Variants in TTC7A observed in about 807,000 individuals in gnomAD.
The protein encoded by TTC7A is tetratricopeptide repeat protein 7A.
TTC7A carries 110 observed loss-of-function variants against 103.7 expected under a neutral mutation model. The ratio of observed to expected loss-of-function variants is 1.06; its 90% CI spans 0.91 to 1.24. The LOEUF (loss-of-function observed/expected upper bound fraction) is 1.24. TTC7A is among the 50% of genes most tolerant of loss of function. The probability of loss-of-function intolerance (pLI) is 0.00; values close to 1 mark genes in which losing one functional copy is unlikely to be tolerated. For missense variants in TTC7A, 1,340 were observed against 1,116.3 expected (o/e 1.20, Z -2.86); for synonymous variants, 521 against 467.9 (o/e 1.11, Z -1.47).
intron 11 of TTC7A, among the ~76,000 whole-genome samples, chr2:47,013,188 C>A (rs1678263166): frequency 6.6e-6 from 1 of 152,256 alleles, no homozygotes; most frequent in African/African-American, 2.4e-5. Context: ...ACTGAGAGGG[C>A]AAGGGAGGAT....
intron 1 of TTC7A, among the ~76,000 whole-genome samples, chr2:46,946,442 G>C (rs141098272): frequency 1.5e-4 from 23 of 151,920 alleles, no homozygotes; most frequent in African/African-American, 5.1e-4. Context: ...TTATTTTCTA[G>C]AGATGAGGTA....
At chr2:46,973,633 C>G (rs1174625424) in intron 3 of TTC7A, among the ~76,000 whole-genome samples, 1 of 152,206 alleles carries the variant, frequency 6.6e-6, no homozygotes, top group African/African-American at 2.4e-5. Context: ...GAGTGGAGTT[C>G]TGAACCCCCT....
chr2:46,920,973 T>TAAA (rs34487440), intron 2 of TTC7A, among the ~76,000 whole-genome samples: 1 of 139,204 alleles, frequency 7.2e-6, no homozygotes, highest in African/African-American at 2.6e-5. Context: ...CTATTCATGA[T>TAAA]AAAAAAAAAA....
chr2:46,920,488 C>T (rs1669046523), intron 2 of TTC7A, among the ~76,000 whole-genome samples: 1 of 152,008 alleles, frequency 6.6e-6, no homozygotes, highest in Admixed American at 6.5e-5. Flanking sequence ...AACCACCACG[C>T]CCAGCTAATT....
chr2:46,924,988 G>A (rs975284470), intron 2 of TTC7A, among the ~76,000 whole-genome samples: 11 of 152,186 alleles, frequency 7.2e-5, no homozygotes, highest in African/African-American at 2.7e-4. Flanking sequence ...TGGCAAATGG[G>A]GTAGCTTGGA....
intron 11 of TTC7A, 114 bp from the exon 12 acceptor site, chr2:47,021,748 G>C: frequency 1.2e-6 from 1 of 803,154 alleles, no homozygotes; most frequent in South Asian, 1.6e-5. Context: ...GTGAGAGTAA[G>C]GCCCTGTGAC....
chr2:46,989,190 A>G (rs1282571753), intron 5 of TTC7A, among the ~76,000 whole-genome samples: 2 of 152,044 alleles, frequency 1.3e-5, no homozygotes, highest in Non-Finnish European at 2.9e-5. Flanking sequence ...TCACACCCAC[A>G]TCTGTCTTTC....
chr2:46,926,020 C>T (rs1669364882), intron 2 of TTC7A, among the ~76,000 whole-genome samples: 1 of 152,200 alleles, frequency 6.6e-6, no homozygotes, highest in Non-Finnish European at 1.5e-5. Context: ...GTAATATCTG[C>T]TCATTCTCAG....
intron 8 of TTC7A, among the ~76,000 whole-genome samples, chr2:47,000,684 G>A (rs1676718640): frequency 6.6e-6 from 1 of 152,190 alleles, no homozygotes; most frequent in Non-Finnish European, 1.5e-5. Flanking sequence ...GCAGGTGCTG[G>A]GTACAGATAC....
At chr2:46,945,747 C>T (rs575563911) in intron 1 of TTC7A, among the ~76,000 whole-genome samples, 36 of 151,580 alleles carry the variant, frequency 2.4e-4, no homozygotes, top group Non-Finnish European at 3.4e-4. Flanking sequence ...TTTTTTTCTT[C>T]TTCTTAAGAC....
intron 19 of TTC7A, among the ~76,000 whole-genome samples, chr2:47,064,602 GC>G (rs1431218272): frequency 2.0e-5 from 3 of 152,198 alleles, no homozygotes; most frequent in East Asian, 1.9e-4. Context: ...TCTCTGCTCT[GC>G]CACCTCCCTG....
intron 16 of TTC7A, among the ~76,000 whole-genome samples, chr2:47,048,227 A>C (rs1682524331): frequency 6.6e-6 from 1 of 152,182 alleles, no homozygotes; most frequent in African/African-American, 2.4e-5. Context: ...TAACTGCTCA[A>C]CTTGAACGGT....
intron 8 of TTC7A, among the ~76,000 whole-genome samples, chr2:46,996,458 C>T (rs916953138): frequency 2.6e-5 from 4 of 152,260 alleles, no homozygotes; most frequent in African/African-American, 9.6e-5. Context: ...TGCCTGGGAC[C>T]ATGCGATGCC....
intron 10 of TTC7A, among the ~76,000 whole-genome samples, chr2:47,008,874 T>C (rs1019886791): frequency 6.6e-6 from 1 of 151,586 alleles, no homozygotes; most frequent in Non-Finnish European, 1.5e-5. Context: ...GGCAATTGCA[T>C]TGGCTGTGTT....
intron 2 of TTC7A, among the ~76,000 whole-genome samples, chr2:46,934,027 G>A (rs1257798598): frequency 1.3e-5 from 2 of 152,284 alleles, no homozygotes; most frequent in Non-Finnish European, 2.9e-5. Context: ...CACAGCCATT[G>A]TGACAACTAG....
rs998042740 is a variant in TTC7A, at chr2:46,941,238, AGCG to A, written c.-289_-287del. ...GGGCGGAGGCTGTGGCAGCAGCTGCAGCGGCGGCGGCGGCGGCAGCGCCAGGAG... is the reference window on the plus strand; with the variant it reads ...GGGCGGAGGCTGTGGCAGCAGCTGCAGCGGCGGCGGCGGCAGCGCCAGGAG... On this transcript the variant is annotated 5_prime_UTR_variant, in exon 1 of 20. Transcript: ENST00000319190. This position sits in a 1 kb window ranked among gnomAD's most constrained non-coding sequence, Gnocchi z 4.2. 1.8e-4 allele frequency: 27 copies of A among 147,576 alleles called. No homozygotes were observed. The highest frequency in any genetic ancestry group is 4.0e-4 in the East Asian group (2 of 4,980). 9.1% of individuals were successfully genotyped at this position (147,576 alleles called of 1,614,324 possible).
At chr2:47,003,724 G>A (rs1031304096) in intron 8 of TTC7A, among the ~76,000 whole-genome samples, 4 of 152,152 alleles carry the variant, frequency 2.6e-5, no homozygotes, top group Middle Eastern at 3.2e-3. Flanking sequence ...GCCTCCACTC[G>A]GGGATGTGCA....
intron 15 of TTC7A, chr2:47,035,234 C>A (rs543081590): frequency 6.6e-6 from 1 of 152,300 alleles, no homozygotes; most frequent in East Asian, 1.9e-4. Flanking sequence ...CAAAAGGATG[C>A]TTAGCATACC....
intron 2 of TTC7A, 58 bp downstream of exon 2, chr2:46,950,584 C>A (rs1671323304): frequency 6.4e-7 from 1 of 1,562,282 alleles, no homozygotes. Context: ...TGCCTCGCAT[C>A]TGTCCAGTCC....
Sources: allele counts gnomAD v4.1 joint callset (sites outside exome capture counted in the v4.1 genomes callset), GRCh38; gene constraint gnomAD v4.1.1; non-coding constraint Gnocchi (gnomAD v3.1); transcripts MANE v1.5; gene names NCBI Gene and HGNC (gene_info 2026-07-23, HGNC 2026-07-21).